Variants in SPARCL1 observed in about 807,000 individuals in gnomAD.
SPARCL1 encodes SPARC-like protein 1.
SPARCL1 carries 52 observed loss-of-function variants against 67.1 expected under a neutral mutation model. That is an observed-to-expected ratio of 0.78 (90% CI 0.62 to 0.98). SPARCL1 has a LOEUF of 0.98. SPARCL1 is among the 50% of genes least tolerant of loss of function. The probability of loss-of-function intolerance (pLI) is 0.00; values close to 1 mark genes in which losing one functional copy is unlikely to be tolerated. For missense variants in SPARCL1, 717 were observed against 782.4 expected (o/e 0.92, Z 1.00); for synonymous variants, 226 against 267.8 (o/e 0.84, Z 1.52).
intron 1 of SPARCL1, among the ~76,000 whole-genome samples, chr4:87,501,982 T>C (rs981433053): frequency 2.2e-5 from 3 of 136,494 alleles, no homozygotes; most frequent in East Asian, 2.5e-4. Flanking sequence ...TTTTTTTTTT[T>C]CCTGGAGATA....
intron 2 of SPARCL1, among the ~76,000 whole-genome samples, chr4:87,499,136 G>A (rs1367856619): frequency 2.6e-5 from 4 of 152,034 alleles, no homozygotes; most frequent in African/African-American, 4.8e-5. Context: ...TCAGCCTCCC[G>A]AAGTGCTGGG....
At chr4:87,486,888 CTTTTTTTTTTTTTTTTTTTTTTTTTTTTT>C (rs57597004) in intron 7 of SPARCL1, among the ~76,000 whole-genome samples, 12 of 28,002 alleles carry the variant, frequency 4.3e-4, no homozygotes, top group African/African-American at 1.3e-3. Flanking sequence ...GCAATTCCTG[CTTTTTTTTTTTTTTTTTTTTTTTTTTTTT>C]TTTTTTTTTT....
chr4:87,520,798 A>G (rs1368814688), intron 1 of SPARCL1, among the ~76,000 whole-genome samples: 2 of 152,246 alleles, frequency 1.3e-5, no homozygotes, highest in African/African-American at 4.8e-5. Flanking sequence ...CAGCCCAGCC[A>G]AGCCATCAGA....
chr4:87,528,479 C>T (rs1373693317), intron 1 of SPARCL1: 3 of 151,920 alleles, frequency 2.0e-5, no homozygotes, highest in African/African-American at 7.3e-5. Flanking sequence ...AAAAGGGAAC[C>T]AAGAAAGGGA....
intron 1 of SPARCL1, among the ~76,000 whole-genome samples, chr4:87,512,387 G>A (rs2110254643): frequency 6.6e-6 from 1 of 152,198 alleles, no homozygotes; most frequent in African/African-American, 2.4e-5. Context: ...ACAACTTCTG[G>A]GCTTCATTTC....
At chr4:87,515,019 A>C (rs1725523192) in intron 1 of SPARCL1, among the ~76,000 whole-genome samples, 1 of 152,250 alleles carries the variant, frequency 6.6e-6, no homozygotes, top group Admixed American at 6.5e-5. Flanking sequence ...TTTTTGCAGA[A>C]ATAGAAAATA....
intron 1 of SPARCL1, chr4:87,527,991 T>C (rs1726120378): frequency 6.6e-6 from 1 of 152,044 alleles, no homozygotes; most frequent in Non-Finnish European, 1.5e-5. Context: ...TCTGCTGACT[T>C]GGACTGAGTG....
rs1725404239 is a variant in SPARCL1 at position 87,512,443 on chromosome 4, AC to A, written c.-11-12859del. ...CTTGTGATTTGCTTTGACCAATGTGACATTAGCAAGCATGATGCCAGCAGAA... is the reference window on the plus strand; with the variant it reads ...CTTGTGATTTGCTTTGACCAATGTGAATTAGCAAGCATGATGCCAGCAGAA... On this transcript the variant is annotated intron_variant, in intron 1 of 10. Transcript: ENST00000282470. Among the ~76,000 whole-genome samples, 3 of 152,246 alleles carry A rather than the reference AC, an allele frequency of 2.0e-5. No homozygotes were observed. The South Asian group carries it at 6.2e-4, about 32-fold the overall frequency.
intron 1 of SPARCL1, 72 bp from the exon 2 acceptor site, chr4:87,499,657 C>A (rs1006065658): frequency 1.9e-6 from 2 of 1,059,682 alleles, no homozygotes; most frequent in African/African-American, 1.6e-5. Context: ...ATAGTCTTAG[C>A]AAATACTGAG....
chr4:87,482,228 G>T (rs116109316), intron 8 of SPARCL1, among the ~76,000 whole-genome samples, 196 bp downstream of exon 8: 2,500 of 152,292 alleles, frequency 0.016, 31 homozygotes, highest in Non-Finnish European at 0.028. Context: ...GAAGAATGGG[G>T]CGGTTTGGTG....
chr4:87,527,508 GAAAT>G (rs1200470864), intron 1 of SPARCL1, among the ~76,000 whole-genome samples: 2 of 152,122 alleles, frequency 1.3e-5, no homozygotes, highest in Admixed American at 1.3e-4. Context: ...AAGAGGAAAT[GAAAT>G]AAATAATGTT....
chr4:87,515,086 A>C (rs981388835), intron 1 of SPARCL1, among the ~76,000 whole-genome samples: 7 of 152,258 alleles, frequency 4.6e-5, no homozygotes, highest in African/African-American at 1.7e-4. Context: ...CAGAATTATT[A>C]TTCTCAAAGA....
rs767371698 is a variant in SPARCL1 at position 87,493,874 on chromosome 4, T to C, written c.926A>G (p.Lys309Arg). The change falls in exon 4 of 11, where the codon AAA (lysine) becomes AGA (arginine). Residue 309 changes from lysine (K) to arginine (R), a missense_variant. Physicochemically the swap from Lys to Arg is conservative, Grantham distance 26. Transcript: ENST00000282470. ...AGAAACAGTCTTTTCTTCTGTCTCTTTGTGGTTGCTGATAGCTTCTAGGCC... is the reference window on the plus strand; with the variant it reads ...AGAAACAGTCTTTTCTTCTGTCTCTCTGTGGTTGCTGATAGCTTCTAGGCC... ...KTGLEAISNH[K>R]ETEEKTVSEA... 3.1e-6 allele frequency: 5 copies of C among 1,614,186 alleles called. No homozygotes were observed. The Admixed American group carries it at 6.7e-5, about 22-fold the overall frequency.
At chr4:87,505,934 G>A (rs1725054714) in intron 1 of SPARCL1, among the ~76,000 whole-genome samples, 1 of 152,132 alleles carries the variant, frequency 6.6e-6, no homozygotes, top group Non-Finnish European at 1.5e-5. Flanking sequence ...GTATGGTTTA[G>A]TGAAGGGTTT....
chr4:87,506,716 C>T (rs926150765), intron 1 of SPARCL1, among the ~76,000 whole-genome samples: 29 of 152,152 alleles, frequency 1.9e-4, no homozygotes, highest in African/African-American at 6.8e-4. Context: ...TTGCTGACTG[C>T]AGATCTTGGG....
intron 1 of SPARCL1, among the ~76,000 whole-genome samples, chr4:87,506,835 A>G (rs1725106394): frequency 6.6e-6 from 1 of 151,678 alleles, no homozygotes; most frequent in African/African-American, 2.4e-5. Context: ...CTACCTACCT[A>G]CCTACCTACC....
intron 10 of SPARCL1, among the ~76,000 whole-genome samples, chr4:87,474,297 C>G (rs1332299115): frequency 6.6e-6 from 1 of 152,162 alleles, no homozygotes; most frequent in Non-Finnish European, 1.5e-5. Context: ...ACCAACATGG[C>G]CCACCCTAAC....
At chr4:87,525,904 G>T (rs1030948386) in intron 1 of SPARCL1, among the ~76,000 whole-genome samples, 9 of 151,970 alleles carry the variant, frequency 5.9e-5, no homozygotes, top group African/African-American at 2.2e-4. Context: ...TTCAATGCTA[G>T]GAACATAGGG....
Position 87,490,757 on chromosome 4 carries a change from T to G in SPARCL1, c.1410+3A>C, listed in dbSNP as rs1411415979. ...CTTAAAGACTATTTTGCAGAATACT[T>G]ACTTGATCAAGGGGTTTTGTTGGAG... On this transcript the variant is annotated splice_donor_region_variant and intron_variant, in intron 6 of 10. Transcript: ENST00000282470. 6.4e-7 allele frequency: 1 copy of G among 1,572,934 alleles called. No homozygotes were observed. Among genetic ancestry groups the G allele is most frequent in the Admixed American group, 1.8e-5 (1 of 56,932 alleles).
Sources: gnomAD v4.1 joint callset for allele counts (sites outside exome capture counted in the v4.1 genomes callset) on GRCh38, gnomAD v4.1.1 for gene constraint, MANE v1.5 for transcripts, NCBI Gene and HGNC (gene_info 2026-07-23, HGNC 2026-07-21) for gene names.